Variants in IZUMO3 observed in about 807,000 individuals in gnomAD.
IZUMO3 encodes izumo sperm-egg fusion protein 3.
Under a neutral mutation model 28.4 loss-of-function variants are expected in IZUMO3, and 36 were observed. The ratio of observed to expected loss-of-function variants is 1.27; its 90% CI spans 0.97 to 1.67. The LOEUF (loss-of-function observed/expected upper bound fraction) is 1.67. IZUMO3 is among the 40% of genes most tolerant of loss of function. The probability of loss-of-function intolerance (pLI) is 0.00; values close to 1 mark genes in which losing one functional copy is unlikely to be tolerated. For missense variants in IZUMO3, 387 were observed against 278.5 expected (o/e 1.39, Z -2.77); for synonymous variants, 126 against 99.2 (o/e 1.27, Z -1.61).
Position 24,545,059 on chromosome 9 carries a change from C to T in IZUMO3, c.304G>A (p.Val102Ile), listed in dbSNP as rs993795595. The stretch of plus-strand genomic sequence containing the variant: ...AGAAGCTTGCCTTGATAGATAAAGA[C>T]ACCTAAGAGGGAGTGGAAGGGGTGT... ...YKLGNETWKGVFIYQGKLLDV... is the reference protein window; with the variant it reads ...YKLGNETWKGIFIYQGKLLDV... The change falls in exon 3 of 7, where the codon GTC becomes ATC. Residue 102 changes from valine (V) to isoleucine (I), a missense_variant and splice_region_variant. Coordinates refer to ENST00000543880, the MANE Select transcript of IZUMO3 (RefSeq NM_001365008.2). The T allele has an allele frequency of 1.0e-5, 16 of 1,547,096 alleles. No individual in the cohort carries two copies. Among genetic ancestry groups the T allele is most frequent in the Admixed American group, 2.0e-5 (1 of 50,958 alleles).
rs760566581 is a variant in IZUMO3 at position 24,544,224 on chromosome 9, C to T, written c.467G>A (p.Cys156Tyr). The T allele has an allele frequency of 7.1e-6, 11 of 1,549,754 alleles. No individual in the cohort carries two copies. Among genetic ancestry groups the T allele is most frequent in the Non-Finnish European group, 8.7e-6 (10 of 1,146,282 alleles). Residue 156 changes from cysteine to tyrosine, a missense_variant, in exon 5 of 7, where the codon TGC becomes TAC. Cys to Tyr is a radical substitution (Grantham distance 194). Transcript: ENST00000543880. ...CWTCLRMTNR[C>Y]FKGEYCGDED... ...ACCTCCACAATATTCTCCTTTGAAG[C>T]ACCTGTTAGTCATGCGAAGACACGT...
In IZUMO3 at chr9:24,544,736, T is replaced by A. The variant is rs1379072797; in HGVS notation, c.409+7A>T. On this transcript the variant is annotated splice_region_variant and intron_variant, in intron 4 of 6. Coordinates refer to ENST00000543880, the MANE Select transcript of IZUMO3 (RefSeq NM_001365008.2). Reference sequence around the variant, plus strand: ...AAACCTCAAGGCGTCACATGTACTGTACTCACTGCAATCTTCAGAACAAGC... The same window carrying A: ...AAACCTCAAGGCGTCACATGTACTGAACTCACTGCAATCTTCAGAACAAGC... 1.9e-5 allele frequency: 29 copies of A among 1,549,874 alleles called. No individual in the cohort carries two copies. The East Asian group carries it at 6.8e-4, about 37-fold the overall frequency.
intron 2 of IZUMO3, 38 bp downstream of exon 2, chr9:24,545,174 G>A: frequency 1.3e-6 from 2 of 1,529,006 alleles, no homozygotes; most frequent in Non-Finnish European, 1.8e-6. Context: ...AGGCTTGCTT[G>A]AGCAATACAA....
rs1453811002 is a variant in IZUMO3, at chr9:24,545,710, C to T, written c.-61G>A. 6.5e-7 allele frequency: 1 copy of T among 1,533,046 alleles called. No homozygotes were observed. The highest frequency in any genetic ancestry group is 8.7e-7 in the Non-Finnish European group (1 of 1,143,774). The allele number at this position is 1,533,046 out of a possible 1,614,324, so 95.0% of individuals were successfully genotyped here. ...TCCTGGCAACTAGTTCACTTAGTTC[C>T]TTTTCCTTCAAAAATCCGGGAATGA... On this transcript the variant is annotated 5_prime_UTR_variant, in exon 1 of 7. Coordinates refer to ENST00000543880, the MANE Select transcript of IZUMO3 (RefSeq NM_001365008.2).
Position 24,545,745 on chromosome 9 carries a change from T to A in IZUMO3, c.-96A>T, listed in dbSNP as rs2117961598. ...AAAAATCCGGGAATGAGAGCCTGGTTCTGGATAGTCTGACTCCACTTTTCC... is the reference window on the plus strand; with the variant it reads ...AAAAATCCGGGAATGAGAGCCTGGTACTGGATAGTCTGACTCCACTTTTCC... On this transcript the variant is annotated 5_prime_UTR_variant, in exon 1 of 7. Coordinates refer to ENST00000543880, the MANE Select transcript of IZUMO3 (RefSeq NM_001365008.2). The A allele has an allele frequency of 4.6e-6, 7 of 1,533,450 alleles. No homozygotes were observed. The East Asian group carries it at 1.5e-4, about 32-fold the overall frequency. The allele number at this position is 1,533,450 out of a possible 1,614,324, so 95.0% of individuals were successfully genotyped here. A position where few individuals can be genotyped will look rare whatever the true frequency, so the allele number is the denominator to read the frequency against.
In IZUMO3 at chr9:24,543,258, CCTT is replaced by C. The variant is rs765850537; in HGVS notation, c.688_690del (p.Lys230del). ...TTTCTGAGTCTAAAGTCTTTCTCCT[CCTT>C]CTCATCTATCTTCCCCATTAATTCT... On this transcript the variant is annotated inframe_deletion, in exon 7 of 7. Coordinates refer to ENST00000543880, the MANE Select transcript of IZUMO3 (RefSeq NM_001365008.2). 253 of 1,546,474 alleles carry C rather than the reference CCTT, an allele frequency of 1.6e-4. No individual in the cohort carries two copies. The highest frequency in any genetic ancestry group is 5.0e-4 in the Middle Eastern group (3 of 5,998).
chr9:24,544,948 T>G (rs1014810198), intron 3 of IZUMO3, 24 bp downstream of exon 3: 1 of 1,455,746 alleles, frequency 6.9e-7, no homozygotes, highest in Admixed American at 2.0e-5. Context: ...ACTTCAGTGC[T>G]GTTATATAGA....
Position 24,543,244 on chromosome 9 carries a change from A to G in IZUMO3, c.705T>C (p.Phe235=). The G allele has an allele frequency of 1.3e-6, 2 of 1,545,336 alleles. No homozygotes were observed. Among genetic ancestry groups the G allele is most frequent in the Admixed American group, 2.0e-5 (1 of 50,464 alleles). Residue 235 remains phenylalanine, a synonymous_variant, in exon 7 of 7, where the codon TTT becomes TTC. Coordinates refer to ENST00000543880, the MANE Select transcript of IZUMO3 (RefSeq NM_001365008.2). ...GKIDEKEEKD[F]RLRK ...GTTGATGTGTTTATTTTCTGAGTCT[A>G]AAGTCTTTCTCCTCCTTCTCATCTA...
chr9:24,544,691 A>C lies in IZUMO3; in HGVS notation c.409+52T>G, dbSNP rs1819542396. On this transcript the variant is annotated intron_variant, in intron 4 of 6. Coordinates refer to ENST00000543880, the MANE Select transcript of IZUMO3 (RefSeq NM_001365008.2). ...GAGATAGGGCCATATAGAGCAAAGG[A>C]GATGGGAAAATATGGGCTGAAACCT... 4.0e-6 allele frequency: 6 copies of C among 1,501,278 alleles called. No individual in the cohort carries two copies. In the South Asian group the frequency reaches 7.2e-5, roughly 18 times the overall value. The allele number at this position is 1,501,278 out of a possible 1,614,324, so 93.0% of individuals were successfully genotyped here. A position where few individuals can be genotyped will look rare whatever the true frequency, so the allele number is the denominator to read the frequency against.
At chr9:24,544,617 C>G (rs1819539440) in intron 4 of IZUMO3, 126 bp downstream of exon 4, 1 of 803,822 alleles carries the variant, frequency 1.2e-6, no homozygotes, top group Non-Finnish European at 2.0e-6. Context: ...TGACGTTACC[C>G]CTTGTAACCA....
In IZUMO3 at chr9:24,545,682, T is replaced by C; in HGVS notation, c.-33A>G. On this transcript the variant is annotated 5_prime_UTR_variant, in exon 1 of 7. Coordinates refer to ENST00000543880, the MANE Select transcript of IZUMO3 (RefSeq NM_001365008.2). ...TTCACCCCCGCTCCCCGACAGCAGG[T>C]TGTCCTGGCAACTAGTTCACTTAGT... 2 of 1,534,922 alleles carry C rather than the reference T, an allele frequency of 1.3e-6. No homozygotes were observed. The highest frequency in any genetic ancestry group is 1.7e-6 in the Non-Finnish European group (2 of 1,146,360).
intron 4 of IZUMO3, among the ~76,000 whole-genome samples, chr9:24,544,521 A>C (rs563704474): frequency 6.6e-6 from 1 of 152,202 alleles, no homozygotes; most frequent in South Asian, 2.1e-4. Flanking sequence ...TGGGTTGTAA[A>C]CCATATGTTA....
At position 24,543,341 on chromosome 9, in the gene IZUMO3, C is replaced by T. The variant is rs868624538; in HGVS notation, c.608G>A (p.Arg203Lys). 1 of 1,543,544 alleles carries T rather than the reference C, an allele frequency of 6.5e-7. No homozygotes were observed. The highest frequency in any genetic ancestry group is 8.7e-7 in the Non-Finnish European group (1 of 1,143,878). ...LLFHFCIFHR[R>K]KMKAIRRSLK... ...CGACCTTCGTATTGCCTTCATTTTC[C>T]TCCGATGAAAGATGCAAAAATGGAA... Residue 203 changes from arginine to lysine, a missense_variant, in exon 7 of 7, where the codon AGG becomes AAG. Transcript: ENST00000543880.
rs1819579668 is a variant in IZUMO3 at position 24,545,742 on chromosome 9, G to C, written c.-93C>G. 6.5e-7 allele frequency: 1 copy of C among 1,532,326 alleles called. No homozygotes were observed. The highest frequency in any genetic ancestry group is 8.8e-7 in the Non-Finnish European group (1 of 1,140,738). 94.9% of individuals were successfully genotyped at this position (1,532,326 alleles called of 1,614,324 possible). On this transcript the variant is annotated 5_prime_UTR_variant, in exon 1 of 7. Coordinates refer to ENST00000543880, the MANE Select transcript of IZUMO3 (RefSeq NM_001365008.2). ...TTCAAAAATCCGGGAATGAGAGCCT[G>C]GTTCTGGATAGTCTGACTCCACTTT...
Position 24,545,734 on chromosome 9 carries a change from G to C in IZUMO3, c.-85C>G. On this transcript the variant is annotated 5_prime_UTR_variant, in exon 1 of 7. Transcript: ENST00000543880. The stretch of plus-strand genomic sequence containing the variant: ...CCTTTTCCTTCAAAAATCCGGGAAT[G>C]AGAGCCTGGTTCTGGATAGTCTGAC... 1 of 1,534,028 alleles carries C rather than the reference G, an allele frequency of 6.5e-7. No homozygotes were observed. Among genetic ancestry groups the C allele is most frequent in the Non-Finnish European group, 8.8e-7 (1 of 1,142,062 alleles).
intron 4 of IZUMO3, among the ~76,000 whole-genome samples, chr9:24,544,525 T>C (rs1819535515): frequency 6.6e-6 from 1 of 152,114 alleles, no homozygotes; most frequent in South Asian, 2.1e-4. Context: ...TTGTAAACCA[T>C]ATGTTAGAAG....
At chr9:24,543,595 G>C in intron 6 of IZUMO3, 69 bp downstream of exon 6, 1 of 1,172,528 alleles carries the variant, frequency 8.5e-7, no homozygotes, top group Non-Finnish European at 1.2e-6. Context: ...TGGAGGAAGA[G>C]GGAATTTGGG....
chr9:24,545,320 A>T, intron 1 of IZUMO3, 34 bp from the exon 2 acceptor site: 2 of 1,547,060 alleles, frequency 1.3e-6, no homozygotes, highest in Non-Finnish European at 1.7e-6. Context: ...ATGTAGGGGA[A>T]TAATTACATC....
chr9:24,545,139 T>G, intron 2 of IZUMO3, 73 bp downstream of exon 2: 5 of 1,502,862 alleles, frequency 3.3e-6, no homozygotes, highest in East Asian at 4.9e-5. Context: ...GTTTTTATCT[T>G]TGTTTTCCCC....
Sources: gnomAD v4.1 joint callset for allele counts (sites outside exome capture counted in the v4.1 genomes callset) on GRCh38, gnomAD v4.1.1 for gene constraint, MANE v1.5 for transcripts, NCBI Gene and HGNC (gene_info 2026-07-23, HGNC 2026-07-21) for gene names.